Variants in TTC39C observed in about 807,000 individuals in gnomAD.
TTC39C encodes the protein tetratricopeptide repeat domain 39C.
TTC39C carries 33 observed loss-of-function variants against 76.3 expected under a neutral mutation model. The observed-to-expected ratio is 0.43, with a 90% CI of 0.33 to 0.58. TTC39C has a LOEUF of 0.58. Among genes scored for constraint, TTC39C ranks in the 20% least tolerant of loss-of-function variants. TTC39C has a pLI of 0.04. For synonymous variants in TTC39C, 254 were observed against 260.6 expected (o/e 0.97, Z 0.24); for missense variants, 595 against 701.4 (o/e 0.85, Z 1.71).
At chr18:24,027,863 G>GTGAC (rs1291611002) in intron 1 of TTC39C, among the ~76,000 whole-genome samples, 2 of 148,270 alleles carry the variant, frequency 1.3e-5, no homozygotes, top group African/African-American at 5.0e-5. Context: ...CTGGCCTGAT[G>GTGAC]TGACTCTTGA....
intron 6 of TTC39C, among the ~76,000 whole-genome samples, chr18:24,103,411 T>G (rs2084703046): frequency 1.3e-5 from 2 of 152,224 alleles, no homozygotes; most frequent in Non-Finnish European, 2.9e-5. Flanking sequence ...CAAATGGAGA[T>G]GTGCAGAACA....
At chr18:24,019,748 T>G in intron 1 of TTC39C, 1 of 800,346 alleles carries the variant, frequency 1.2e-6, no homozygotes, top group Non-Finnish European at 1.9e-6. Context: ...GCCATGCTCA[T>G]TTGGTTATGT....
chr18:24,059,889 A>T (rs553476643), intron 1 of TTC39C, among the ~76,000 whole-genome samples: 13 of 152,186 alleles, frequency 8.5e-5, no homozygotes, highest in Non-Finnish European at 1.8e-4. Flanking sequence ...AAGGCAGAGG[A>T]GGAGCAAAGT....
At chr18:24,116,821 T>C (rs978911994) in intron 7 of TTC39C, among the ~76,000 whole-genome samples, 1 of 109,066 alleles carries the variant, frequency 9.2e-6, no homozygotes, top group African/African-American at 6.4e-5. Context: ...ATACCTTAGT[T>C]TTTTTTTTTT....
intron 6 of TTC39C, among the ~76,000 whole-genome samples, chr18:24,111,908 T>A (rs935083995): frequency 1.7e-3 from 15 of 8,846 alleles, no homozygotes; most frequent in South Asian, 0.01. Context: ...TCTTTAAAAA[T>A]ATATATATAT....
chr18:24,044,755 G>C (rs2083842350), intron 1 of TTC39C, among the ~76,000 whole-genome samples: 1 of 152,174 alleles, frequency 6.6e-6, no homozygotes, highest in Admixed American at 6.5e-5. Flanking sequence ...GCAAATACAA[G>C]AATTCTTAAT....
At chr18:24,066,392 TGTGG>T (rs1386236749) in intron 3 of TTC39C, among the ~76,000 whole-genome samples, 2 of 152,176 alleles carry the variant, frequency 1.3e-5, no homozygotes, top group African/African-American at 4.8e-5. Flanking sequence ...TAATGGGCCG[TGTGG>T]GAAGGGCTGT....
In TTC39C at chr18:24,082,945, G is replaced by A. The variant is rs749864249; in HGVS notation, c.848G>A (p.Arg283His). 3.5e-5 allele frequency: 57 copies of A among 1,613,486 alleles called. No individual in the cohort carries two copies. Among genetic ancestry groups the A allele is most frequent in the African/African-American group, 5.3e-5 (4 of 74,870 alleles). ...CTGCTCTGGTATCATACTGTAGTCC[G>A]CCCGTTTTTTGCCTTGGATGGCAGT... ...LALLWYHTVVRPFFALDGSDN... is the reference protein window; with the variant it reads ...LALLWYHTVVHPFFALDGSDN... The change falls in exon 6 of 14, where the codon CGC (arginine) becomes CAC (histidine). Residue 283 changes from arginine to histidine, a missense_variant. Coordinates refer to ENST00000317571, the MANE Select transcript of TTC39C (RefSeq NM_001135993.2).
chr18:24,069,180 C>T lies in TTC39C; in HGVS notation c.369C>T (p.Pro123=), dbSNP rs966431694. The change falls in exon 4 of 14, where the codon CCC becomes CCT. Residue 123 remains proline (P), a synonymous_variant. Transcript: ENST00000317571. The part of the protein sequence containing the change: ...KKNVDVRKSA[P]SMVDRLQRQI... ...AGGTTGATGTCCGAAAATCCGCCCC[C>T]TCTATGGTTGATCGGCTTCAGAGGC... is the stretch of plus-strand genomic sequence containing the variant. 3.1e-6 allele frequency: 5 copies of T among 1,614,102 alleles called. No individual in the cohort carries two copies. The highest frequency in any genetic ancestry group is 1.1e-5 in the South Asian group (1 of 91,080).
chr18:24,075,073 T>C (rs1173485768), intron 4 of TTC39C, among the ~76,000 whole-genome samples: 1 of 152,028 alleles, frequency 6.6e-6, no homozygotes, highest in Non-Finnish European at 1.5e-5. Context: ...ACACGCATGT[T>C]CTCACTTATA....
chr18:24,022,901 C>G (rs1388188498), intron 1 of TTC39C: 2 of 980,856 alleles, frequency 2.0e-6, no homozygotes, highest in Non-Finnish European at 2.4e-6. Flanking sequence ...GGTTGTATGA[C>G]TCCTCTGCAC....
intron 1 of TTC39C, among the ~76,000 whole-genome samples, chr18:24,050,889 A>AT (rs1385537616): frequency 6.6e-6 from 1 of 151,316 alleles, no homozygotes; most frequent in Non-Finnish European, 1.5e-5. Context: ...AAAAAAAAAA[A>AT]ATGCAATTCT....
chr18:24,080,736 T>C lies in TTC39C; in HGVS notation c.612T>C (p.Ala204=). 9 of 1,614,186 alleles carry C rather than the reference T, an allele frequency of 5.6e-6. No individual in the cohort carries two copies. The highest frequency in any genetic ancestry group is 7.6e-6 in the Non-Finnish European group (9 of 1,180,014). Residue 204 remains alanine, a synonymous_variant, in exon 5 of 14, where the codon GCT becomes GCC. Transcript: ENST00000317571. ...CTGCAAATGATAATCACATTGTGGC[T>C]GAAGGGGTGTCTGAGGAGTCTCTGA... The part of the protein sequence containing the change: ...SDAANDNHIV[A]EGVSEESLNR...
At position 24,069,214 on chromosome 18, in the gene TTC39C, A is replaced by G; in HGVS notation, c.403A>G (p.Ile135Val). The G allele has an allele frequency of 1.9e-6, 3 of 1,614,162 alleles. No individual in the cohort carries two copies. The highest frequency in any genetic ancestry group is 2.5e-6 in the Non-Finnish European group (3 of 1,179,972). Residue 135 changes from isoleucine to valine, a missense_variant, in exon 4 of 14, where the codon ATA becomes GTA. By Grantham distance (29) the Ile-to-Val change is conservative. Coordinates refer to ENST00000317571, the MANE Select transcript of TTC39C (RefSeq NM_001135993.2). ...MVDRLQRQII[I>V]ADCQVYLAVL... ...TGATCGGCTTCAGAGGCAGATAATCATAGCTGACTGCCAGGTTTACCTGGC... is the reference window on the plus strand; with the variant it reads ...TGATCGGCTTCAGAGGCAGATAATCGTAGCTGACTGCCAGGTTTACCTGGC...
chr18:24,014,528 C>A, upstream of TTC39C: 1 of 181,840 alleles, frequency 5.5e-6, no homozygotes, highest in Non-Finnish European at 1.1e-5. Context: ...GCGGCCGCCG[C>A]TCGGGGACCG....
chr18:24,036,229 G>A lies in TTC39C; in HGVS notation c.167+21191G>A, dbSNP rs1053174649. Among the ~76,000 whole-genome samples, 9 of 152,180 alleles carry A rather than the reference G, an allele frequency of 5.9e-5. 1 individual carries two copies. The highest frequency in any genetic ancestry group is 2.6e-4 in the Admixed American group (4 of 15,272). On this transcript the variant is annotated intron_variant, in intron 1 of 13. Coordinates refer to ENST00000317571, the MANE Select transcript of TTC39C (RefSeq NM_001135993.2). ...TTTGGGGTCCCTTGAGATTCCATATGAATTTTAACATGGAGTTTTCTATTT... is the reference window on the plus strand; with the variant it reads ...TTTGGGGTCCCTTGAGATTCCATATAAATTTTAACATGGAGTTTTCTATTT...
At chr18:24,020,353 T>C in intron 1 of TTC39C, 2 of 976,296 alleles carry the variant, frequency 2.0e-6, no homozygotes, top group Non-Finnish European at 2.4e-6. Flanking sequence ...TGGAGGAAAT[T>C]ATCAGGAAAA....
chr18:24,074,518 C>G (rs958195410), intron 4 of TTC39C, among the ~76,000 whole-genome samples: 8 of 152,050 alleles, frequency 5.3e-5, no homozygotes, highest in African/African-American at 1.7e-4. Context: ...AGAAGTGAGC[C>G]TATTAGAAGT....
rs2084864393 is a variant in TTC39C, at chr18:24,114,389, T to TG, written c.985-160dup. ...TGCTTAGGTTAATTTCACAGCTGTT[T>TG]GGGGGCAAATTGGAGTATTTTCCTA... On this transcript the variant is annotated intron_variant, in intron 6 of 13. Coordinates refer to ENST00000317571, the MANE Select transcript of TTC39C (RefSeq NM_001135993.2). 3 of 556,416 alleles carry TG rather than the reference T, an allele frequency of 5.4e-6. No individual in the cohort carries two copies. The South Asian group carries it at 6.1e-5, about 11-fold the overall frequency. 34.5% of individuals were successfully genotyped at this position (556,416 alleles called of 1,614,324 possible). A position where few individuals can be genotyped will look rare whatever the true frequency, so the allele number is the denominator to read the frequency against.
Sources: allele counts gnomAD v4.1 joint callset (sites outside exome capture counted in the v4.1 genomes callset), GRCh38; gene constraint gnomAD v4.1.1; transcripts MANE v1.5; gene names NCBI Gene and HGNC (gene_info 2026-07-23, HGNC 2026-07-21).